DENND5A: variants seen among roughly 807,000 people sequenced by gnomAD.
The protein encoded by DENND5A is DENN domain-containing protein 5A.
In DENND5A, 64 loss-of-function variants were observed where a neutral mutation model predicts 140.3. The ratio of observed to expected loss-of-function variants is 0.46; its 90% CI spans 0.37 to 0.56. The LOEUF is 0.56. Ranked by LOEUF, DENND5A falls within the 20% of genes least tolerant of loss-of-function variation. The probability of loss-of-function intolerance (pLI) is 0.00; values close to 1 mark genes in which losing one functional copy is unlikely to be tolerated. For synonymous variants in DENND5A, 605 were observed against 607.7 expected (o/e 1.00, Z 0.07); for missense variants, 1,292 against 1,593.8 (o/e 0.81, Z 3.22).
At chr11:9,174,031 A>G (rs1478442570) in intron 8 of DENND5A, among the ~76,000 whole-genome samples, 1 of 137,992 alleles carries the variant, frequency 7.2e-6, no homozygotes, top group Non-Finnish European at 1.5e-5. Flanking sequence ...TGAACCCGGA[A>G]GGCAGAAGTT....
At chr11:9,235,684 C>T (rs537145813) in intron 1 of DENND5A, among the ~76,000 whole-genome samples, 3 of 151,126 alleles carry the variant, frequency 2.0e-5, no homozygotes, top group South Asian at 4.2e-4. Context: ...AAAAAAATCA[C>T]GCTACCTGAA....
At chr11:9,148,904 G>T (rs1212018084) in intron 15 of DENND5A, among the ~76,000 whole-genome samples, 1 of 152,214 alleles carries the variant, frequency 6.6e-6, no homozygotes, top group Non-Finnish European at 1.5e-5. Context: ...AAGTAAGAGA[G>T]CAAGCGAGAA....
chr11:9,249,601 TGCAATGGC>T (rs1851630015), intron 1 of DENND5A, among the ~76,000 whole-genome samples: 1 of 152,070 alleles, frequency 6.6e-6, no homozygotes, highest in Non-Finnish European at 1.5e-5. Context: ...CAAACTGGAG[TGCAATGGC>T]GCAATCTCAG....
chr11:9,250,863 G>A (rs1165567209), intron 1 of DENND5A, among the ~76,000 whole-genome samples: 2 of 152,184 alleles, frequency 1.3e-5, no homozygotes, highest in Admixed American at 6.5e-5. Flanking sequence ...GCCGGGTGCG[G>A]TGGCTCACGC....
chr11:9,147,028 AC>A lies in DENND5A; in HGVS notation c.2857+1del. 1 of 1,614,190 alleles carries A rather than the reference AC, an allele frequency of 6.2e-7. No homozygotes were observed. The highest frequency in any genetic ancestry group is 8.5e-7 in the Non-Finnish European group (1 of 1,180,004). On this transcript the variant is annotated splice_donor_variant, in intron 16 of 22. Coordinates refer to ENST00000328194, the MANE Select transcript of DENND5A (RefSeq NM_015213.4). LOFTEE classifies it high-confidence loss of function. ...GCCAGCTGGGAGCACAGGGCTACTC[AC>A]GGATAGTTGTGAAGACATTGGTGAA...
intron 1 of DENND5A, among the ~76,000 whole-genome samples, chr11:9,211,138 G>C (rs760359994): frequency 1.3e-4 from 20 of 152,142 alleles, no homozygotes; most frequent in Non-Finnish European, 2.6e-4. Context: ...TCTGTCATAA[G>C]AGGTGGGTAA....
chr11:9,221,781 G>A (rs918580094), intron 1 of DENND5A, among the ~76,000 whole-genome samples: 1 of 151,884 alleles, frequency 6.6e-6, no homozygotes, highest in Non-Finnish European at 1.5e-5. Flanking sequence ...TTTTTAAGAT[G>A]GAGTCTTGCT....
chr11:9,170,475 C>T (rs1848333253), intron 9 of DENND5A, 152 bp downstream of exon 9: 5 of 1,094,150 alleles, frequency 4.6e-6, no homozygotes. Flanking sequence ...CTTTCTTGTT[C>T]AAATAAGCAA....
chr11:9,236,974 A>G (rs1851029856), intron 1 of DENND5A, among the ~76,000 whole-genome samples: 1 of 152,196 alleles, frequency 6.6e-6, no homozygotes, highest in African/African-American at 2.4e-5. Context: ...CGTAACAGAA[A>G]AAGAGTTTCC....
chr11:9,166,329 A>C (rs949599812), intron 10 of DENND5A, among the ~76,000 whole-genome samples: 8 of 151,996 alleles, frequency 5.3e-5, no homozygotes, highest in African/African-American at 1.9e-4. Context: ...CATCTGCCTC[A>C]GTCTCCCAAA....
intron 1 of DENND5A, among the ~76,000 whole-genome samples, chr11:9,236,445 T>C (rs1851006911): frequency 6.6e-6 from 1 of 151,320 alleles, no homozygotes; most frequent in African/African-American, 2.4e-5. Context: ...GGCAGGAGAA[T>C]TGCTCAAACC....
At chr11:9,153,810 T>A (rs1040704756) in intron 12 of DENND5A, among the ~76,000 whole-genome samples, 4 of 152,240 alleles carry the variant, frequency 2.6e-5, no homozygotes, top group African/African-American at 9.6e-5. Context: ...AACTGCACTT[T>A]AAACCATTTG....
intron 1 of DENND5A, among the ~76,000 whole-genome samples, chr11:9,251,980 C>A (rs1043448742): frequency 1.3e-5 from 2 of 149,154 alleles, no homozygotes; most frequent in Admixed American, 6.8e-5. Context: ...CAGAGCGAGA[C>A]TCTGTCTCGC....
At chr11:9,154,034 A>T (rs1317943441) in intron 12 of DENND5A, among the ~76,000 whole-genome samples, 4 of 152,246 alleles carry the variant, frequency 2.6e-5, no homozygotes, top group South Asian at 2.1e-4. Flanking sequence ...TGCAGATAAT[A>T]AAATAATATA....
In DENND5A at chr11:9,246,959, G is replaced by A. The variant is rs113618679; in HGVS notation, c.109+18002C>T. ...AAAAACCCTTGCCTTGGCCGGGCGCGGTGGCTCACGCCTGTAATCCCAGCA... is the reference window on the plus strand; with the variant it reads ...AAAAACCCTTGCCTTGGCCGGGCGCAGTGGCTCACGCCTGTAATCCCAGCA... On this transcript the variant is annotated intron_variant, in intron 1 of 22. Coordinates refer to ENST00000328194, the MANE Select transcript of DENND5A (RefSeq NM_015213.4). Among the ~76,000 whole-genome samples the A allele has an allele frequency of 2.7e-3, 404 of 152,222 alleles. 2 individuals carry two copies. Among genetic ancestry groups the A allele is most frequent in the Non-Finnish European group, 3.9e-3 (264 of 68,020 alleles).
In DENND5A at chr11:9,150,697, G is replaced by A. The variant is rs2136123540; in HGVS notation, c.2589C>T (p.Ser863=). The change falls in exon 14 of 23, where the codon TCC becomes TCT. Residue 863 remains serine, a synonymous_variant. Transcript: ENST00000328194. ...ATACTGACCTCATATCCTGAATCAG[G>A]GAGATCCTCAGGGGAGGCATGAGTG... ...ASSLMPPLRI[S]LIQDMRHIQN... 6.2e-7 allele frequency: 1 copy of A among 1,612,844 alleles called. No individual in the cohort carries two copies. Among genetic ancestry groups the A allele is most frequent in the Non-Finnish European group, 8.5e-7 (1 of 1,179,054 alleles).
At chr11:9,210,044 T>C (rs1590279700) in intron 1 of DENND5A, among the ~76,000 whole-genome samples, 1 of 151,624 alleles carries the variant, frequency 6.6e-6, no homozygotes, top group Admixed American at 6.6e-5. Flanking sequence ...GGGATGGAGG[T>C]TGCAGTGAGC....
At chr11:9,174,324 A>C (rs1482067999) in intron 8 of DENND5A, among the ~76,000 whole-genome samples, 1 of 151,738 alleles carries the variant, frequency 6.6e-6, no homozygotes, top group African/African-American at 2.4e-5. Flanking sequence ...ATTGGATAAA[A>C]ATGCAAAACC....
At chr11:9,257,302 G>A (rs1021787756) in intron 1 of DENND5A, among the ~76,000 whole-genome samples, 1 of 150,742 alleles carries the variant, frequency 6.6e-6, no homozygotes, top group African/African-American at 2.4e-5. Context: ...AGCCCTCAAT[G>A]CTTCTTTAAA....
Sources: allele counts gnomAD v4.1 joint callset (sites outside exome capture counted in the v4.1 genomes callset), GRCh38; gene constraint gnomAD v4.1.1; transcripts MANE v1.5; gene names NCBI Gene and HGNC (gene_info 2026-07-23, HGNC 2026-07-21).